The following DCPS variants were observed in gnomAD, a reference collection of about 807,000 sequenced individuals.
DCPS encodes the protein m7GpppX diphosphatase.
Under a neutral mutation model 34.7 loss-of-function variants are expected in DCPS, and 27 were observed. That is an observed-to-expected ratio of 0.78 (90% confidence interval 0.57 to 1.07). DCPS has a LOEUF of 1.07. DCPS is among the 50% of genes least tolerant of loss of function. The probability of loss-of-function intolerance (pLI) is 0.00; values close to 1 mark genes in which losing one functional copy is unlikely to be tolerated. For synonymous variants in DCPS, 185 were observed against 185.7 expected (o/e 1.00, Z 0.03); for missense variants, 464 against 436.9 (o/e 1.06, Z -0.55).
At position 126,323,351 on chromosome 11, in the gene DCPS, G is replaced by A. The variant is rs545041387; in HGVS notation, c.377-8054G>A. On this transcript the variant is annotated intron_variant, in intron 2 of 5. Transcript: ENST00000263579. The surrounding 1 kb of genome is among the most constrained non-coding windows in gnomAD (Gnocchi z 4.4). Reference sequence around the variant, plus strand: ...ATACAATTATTGTTTTACCTTGAGCGGTAGAAAGTTCAGCTTTAGAAACAT... The same window carrying A: ...ATACAATTATTGTTTTACCTTGAGCAGTAGAAAGTTCAGCTTTAGAAACAT... 2.0e-5 allele frequency among the ~76,000 whole-genome samples: 3 copies of A among 152,168 alleles called. No homozygotes were observed. Among genetic ancestry groups the A allele is most frequent in the South Asian group, 4.1e-4 (2 of 4,820 alleles).
At chr11:126,304,319 A>G (rs372312017) in intron 1 of DCPS, 38 bp downstream of exon 1, 13 of 1,606,380 alleles carry the variant, frequency 8.1e-6, no homozygotes, top group Admixed American at 5.0e-5. Flanking sequence ...TGCGGGAAGC[A>G]GTGAACCAAT....
At chr11:126,309,266 T>A (rs1383808848) in intron 2 of DCPS, among the ~76,000 whole-genome samples, 1 of 152,112 alleles carries the variant, frequency 6.6e-6, no homozygotes, top group Non-Finnish European at 1.5e-5. Flanking sequence ...TCTCAGGTGA[T>A]CCAAAGTGCT....
intron 4 of DCPS, 95 bp from the exon 5 acceptor site, chr11:126,343,212 G>A (rs994992542): frequency 3.4e-5 from 33 of 961,028 alleles, no homozygotes; most frequent in African/African-American, 3.2e-5. Context: ...GGCCTCAGGG[G>A]TGGGTGCTTC....
rs1951943734 is a variant in DCPS, at chr11:126,347,384, C to T, written c.*1771C>T. Among the ~76,000 whole-genome samples the T allele has an allele frequency of 1.3e-5, 2 of 152,216 alleles. No homozygotes were observed. Among genetic ancestry groups the T allele is most frequent in the Admixed American group, 6.5e-5 (1 of 15,296 alleles). Reference sequence around the variant, plus strand: ...GACTACAGGGGTGCGCCCCCATGCCCAGCTAATTTTTGTATTTTTAGTAGA... The same window carrying T: ...GACTACAGGGGTGCGCCCCCATGCCTAGCTAATTTTTGTATTTTTAGTAGA... On this transcript the variant is annotated 3_prime_UTR_variant, in exon 6 of 6. Coordinates refer to ENST00000263579, the MANE Select transcript of DCPS (RefSeq NM_014026.6). The surrounding 1 kb of genome is among the most constrained non-coding windows in gnomAD (Gnocchi z 4.2).
chr11:126,308,703 C>A (rs1328397663), intron 2 of DCPS, among the ~76,000 whole-genome samples: 1 of 152,192 alleles, frequency 6.6e-6, no homozygotes, highest in Non-Finnish European at 1.5e-5. Flanking sequence ...CACCCTTTCC[C>A]TCACCTTCCG....
intron 1 of DCPS, 56 bp from the exon 2 acceptor site, chr11:126,306,514 C>G: frequency 2.0e-6 from 3 of 1,500,346 alleles, no homozygotes; most frequent in Non-Finnish European, 2.7e-6. Flanking sequence ...GTCTTGCTCT[C>G]CAGAGTCTCA....
chr11:126,305,064 T>TTTGGG (rs1395643041), intron 1 of DCPS, among the ~76,000 whole-genome samples: 1 of 152,232 alleles, frequency 6.6e-6, no homozygotes, highest in Non-Finnish European at 1.5e-5. Context: ...AACCTTGGCC[T>TTTGGG]AGGCTTCCAT....
At chr11:126,326,867 G>A (rs1951744136) in intron 2 of DCPS, among the ~76,000 whole-genome samples, 1 of 151,724 alleles carries the variant, frequency 6.6e-6, no homozygotes, top group African/African-American at 2.4e-5. Flanking sequence ...AGCTTGCAGT[G>A]AGCCGAGATC....
rs931450046 is a variant in DCPS at position 126,348,378 on chromosome 11, CT to C, written c.*2767del. 1.0e-3 allele frequency among the ~76,000 whole-genome samples: 159 copies of C among 152,332 alleles called. No individual in the cohort carries two copies. Among genetic ancestry groups the C allele is most frequent in the African/African-American group, 3.6e-3 (148 of 41,586 alleles). ...GGGGGCCCCTCTCCAGGCCTCACCA[CT>C]TAACTTTTCTTGTACATGGAAAGAC... On this transcript the variant is annotated 3_prime_UTR_variant, in exon 6 of 6. Transcript: ENST00000263579. The surrounding 1 kb of genome is among the most constrained non-coding windows in gnomAD (Gnocchi z 5.3).
chr11:126,306,373 A>G (rs939584104), intron 1 of DCPS, among the ~76,000 whole-genome samples, 197 bp from the exon 2 acceptor site: 52 of 145,322 alleles, frequency 3.6e-4, no homozygotes, highest in Admixed American at 1.0e-3. Flanking sequence ...ACTCCATCTC[A>G]AAAAAAAAAA....
chr11:126,308,216 T>C (rs536430186), intron 2 of DCPS, among the ~76,000 whole-genome samples: 1 of 152,330 alleles, frequency 6.6e-6, no homozygotes, highest in South Asian at 2.1e-4. Context: ...GTTGGAAACA[T>C]GAGTGAGACT....
Position 126,320,068 on chromosome 11 carries a change from T to C in DCPS, c.377-11337T>C, listed in dbSNP as rs1262220005. 6.6e-6 allele frequency among the ~76,000 whole-genome samples: 1 copy of C among 151,364 alleles called. No individual in the cohort carries two copies. Among genetic ancestry groups the C allele is most frequent in the Non-Finnish European group, 1.5e-5 (1 of 67,912 alleles). On this transcript the variant is annotated intron_variant, in intron 2 of 5. Transcript: ENST00000263579. This position sits in a 1 kb window ranked among gnomAD's most constrained non-coding sequence, Gnocchi z 4.7. Reference sequence around the variant, plus strand: ...CAGGCTGGAGTGTAGTGAGGCGGTCTTGACTCTCCATCTTTACCATCCTGG... The same window carrying C: ...CAGGCTGGAGTGTAGTGAGGCGGTCCTGACTCTCCATCTTTACCATCCTGG...
chr11:126,329,421 G>A lies in DCPS; in HGVS notation c.377-1984G>A, dbSNP rs774739504. Among the ~76,000 whole-genome samples, 8 of 152,326 alleles carry A rather than the reference G, an allele frequency of 5.3e-5. No individual in the cohort carries two copies. Among genetic ancestry groups the A allele is most frequent in the East Asian group, 3.9e-4 (2 of 5,188 alleles). Reference sequence around the variant, plus strand: ...GGTGAGGAAGCCAAGGCTCTAAGACGTTAAGCCCCATGCCCAAGGGTACAC... The same window carrying A: ...GGTGAGGAAGCCAAGGCTCTAAGACATTAAGCCCCATGCCCAAGGGTACAC... On this transcript the variant is annotated intron_variant, in intron 2 of 5. Transcript: ENST00000263579. This position sits in a 1 kb window ranked among gnomAD's most constrained non-coding sequence, Gnocchi z 5.0.
rs1951766933 is a variant in DCPS at position 126,329,690 on chromosome 11, T to C, written c.377-1715T>C. Among the ~76,000 whole-genome samples the C allele has an allele frequency of 6.6e-6, 1 of 152,216 alleles. No individual in the cohort carries two copies. Among genetic ancestry groups the C allele is most frequent in the Non-Finnish European group, 1.5e-5 (1 of 68,038 alleles). On this transcript the variant is annotated intron_variant, in intron 2 of 5. Transcript: ENST00000263579. The surrounding 1 kb of genome is among the most constrained non-coding windows in gnomAD (Gnocchi z 5.0). ...AGTTCCAGGTTCGCCTCTGCCACGTTTCACGGTGTGATACTGGATGACTCT... is the reference window on the plus strand; with the variant it reads ...AGTTCCAGGTTCGCCTCTGCCACGTCTCACGGTGTGATACTGGATGACTCT...
intron 1 of DCPS, among the ~76,000 whole-genome samples, chr11:126,306,027 C>T (rs766088330): frequency 7.2e-5 from 11 of 152,134 alleles, no homozygotes; most frequent in African/African-American, 1.2e-4. Context: ...ACTGAGAAGC[C>T]TTGTATTCTG....
chr11:126,305,410 C>T (rs1261250797), intron 1 of DCPS, among the ~76,000 whole-genome samples: 2 of 109,002 alleles, frequency 1.8e-5, no homozygotes, highest in African/African-American at 3.2e-5. Flanking sequence ...CCACCGCACC[C>T]GCCTTTTTTT....
rs1397496267 is a variant in DCPS at position 126,342,496 on chromosome 11, T to C, written c.637-811T>C. Among the ~76,000 whole-genome samples the C allele has an allele frequency of 6.6e-6, 1 of 152,190 alleles. No homozygotes were observed. Among genetic ancestry groups the C allele is most frequent in the East Asian group, 1.9e-4 (1 of 5,188 alleles). On this transcript the variant is annotated intron_variant, in intron 4 of 5. Coordinates refer to ENST00000263579, the MANE Select transcript of DCPS (RefSeq NM_014026.6). This position sits in a 1 kb window ranked among gnomAD's most constrained non-coding sequence, Gnocchi z 4.4. Reference sequence around the variant, plus strand: ...CCTTCCGTATACATTCTATGCCCTATACATTCTTGCCTCCGAGTCTTTGCT... The same window carrying C: ...CCTTCCGTATACATTCTATGCCCTACACATTCTTGCCTCCGAGTCTTTGCT...
chr11:126,338,505 T>C lies in DCPS; in HGVS notation c.636+106T>C. On this transcript the variant is annotated intron_variant, in intron 4 of 5. Transcript: ENST00000263579. This position sits in a 1 kb window ranked among gnomAD's most constrained non-coding sequence, Gnocchi z 5.4. ...CGCTGGCCTGTCTCTAAGCAGATTA[T>C]AATTAACCAACAAGGGTTGGCCTGA... 9.6e-7 allele frequency: 1 copy of C among 1,038,318 alleles called. No individual in the cohort carries two copies. Among genetic ancestry groups the C allele is most frequent in the Non-Finnish European group, 1.5e-6 (1 of 675,750 alleles). 64.3% of individuals were successfully genotyped at this position (1,038,318 alleles called of 1,614,324 possible). A position where few individuals can be genotyped will look rare whatever the true frequency, so the allele number is the denominator to read the frequency against.
At chr11:126,324,663 A>G (rs1951728472) in intron 2 of DCPS, among the ~76,000 whole-genome samples, 1 of 128,774 alleles carries the variant, frequency 7.8e-6, no homozygotes, top group Non-Finnish European at 1.6e-5. Flanking sequence ...TTTGGTAAAG[A>G]CGGGATCTCA....
Sources: gnomAD v4.1 joint callset for allele counts (sites outside exome capture counted in the v4.1 genomes callset) on GRCh38, gnomAD v4.1.1 for gene constraint, Gnocchi (gnomAD v3.1) non-coding constraint, MANE v1.5 for transcripts, NCBI Gene and HGNC (gene_info 2026-07-23, HGNC 2026-07-21) for gene names.